Variants in NFIB observed in about 807,000 individuals in gnomAD.
NFIB encodes nuclear factor I B.
Under a neutral mutation model 61.5 loss-of-function variants are expected in NFIB, and 11 were observed. The ratio of observed to expected loss-of-function variants is 0.18; its 90% confidence interval spans 0.11 to 0.30. The LOEUF (loss-of-function observed/expected upper bound fraction) is 0.30. Among genes scored for constraint, NFIB ranks in the 10% least tolerant of loss-of-function variants. The pLI, the probability that NFIB is intolerant of heterozygous loss-of-function variation, is 1.00. For missense variants in NFIB, 471 were observed against 608.9 expected, an observed-to-expected ratio of 0.77 and a Z score of 2.38; for synonymous variants, 260 against 216.5, an observed-to-expected ratio of 1.20 and a Z score of -1.76.
At chr9:14,207,940 C>T (rs2049914857) in intron 2 of NFIB, among the ~76,000 whole-genome samples, 2 of 152,130 alleles carry the variant, frequency 1.3e-5, no homozygotes, top group Admixed American at 1.3e-4. Context: ...CAAACATTTC[C>T]TTGGTTGAAT....
chr9:14,322,867 G>C (rs963521337), intron 1 of NFIB, among the ~76,000 whole-genome samples: 3 of 152,014 alleles, frequency 2.0e-5, no homozygotes, highest in South Asian at 4.1e-4. Flanking sequence ...TGACCGTCTC[G>C]GGGGCTGCTG....
At chr9:14,466,317 C>T in the NFIB span, among the ~76,000 whole-genome samples, 1 of 152,090 alleles carries the variant, frequency 6.6e-6, no homozygotes, top group African/African-American at 2.4e-5. Flanking sequence ...ACTAAGGCAG[C>T]GGACGTGTCT....
chr9:14,105,141 A>G (rs1349607554), intron 10 of NFIB, among the ~76,000 whole-genome samples: 2 of 152,186 alleles, frequency 1.3e-5, no homozygotes, highest in African/African-American at 2.4e-5. Context: ...ATCTTTGACC[A>G]TATGCTGCAC....
chr9:14,214,659 A>G (rs1172337011), intron 2 of NFIB, among the ~76,000 whole-genome samples: 2 of 152,234 alleles, frequency 1.3e-5, no homozygotes, highest in African/African-American at 4.8e-5. Flanking sequence ...ACATGATGCT[A>G]ATTTAGCAGC....
At chr9:14,219,260 A>G (rs981672818) in intron 2 of NFIB, among the ~76,000 whole-genome samples, 1 of 152,158 alleles carries the variant, frequency 6.6e-6, no homozygotes, top group Non-Finnish European at 1.5e-5. Flanking sequence ...CAACAAGAAG[A>G]GCAAATCTAA....
At chr9:14,385,540 C>T (rs1011840140) in intron 1 of NFIB, among the ~76,000 whole-genome samples, 6 of 152,144 alleles carry the variant, frequency 3.9e-5, no homozygotes, top group Admixed American at 1.3e-4. Flanking sequence ...TTTGAAATGT[C>T]GCATATGTTA....
chr9:14,173,105 A>G (rs77837344), intron 3 of NFIB, among the ~76,000 whole-genome samples: 6 of 152,320 alleles, frequency 3.9e-5, no homozygotes, highest in Non-Finnish European at 8.8e-5. Flanking sequence ...AGCCTTCTTG[A>G]TCAAACTAGC....
At chr9:14,160,938 T>C (rs1303083337) in intron 3 of NFIB, among the ~76,000 whole-genome samples, 1 of 152,028 alleles carries the variant, frequency 6.6e-6, no homozygotes, top group African/African-American at 2.4e-5. Flanking sequence ...GTTAGTTTTC[T>C]GGCATTGTTC....
intron 10 of NFIB, among the ~76,000 whole-genome samples, chr9:14,098,795 T>C (rs953065200): frequency 5.3e-5 from 8 of 152,234 alleles, no homozygotes; most frequent in Non-Finnish European, 1.2e-4. Context: ...AGCAACTCCT[T>C]TGCACATGTG....
Position 14,249,133 on chromosome 9 carries a change from A to G in NFIB, c.562+57856T>C, listed in dbSNP as rs141890667. On this transcript the variant is annotated intron_variant, in intron 2 of 10. Coordinates refer to ENST00000380953, the MANE Select transcript of NFIB (RefSeq NM_001190737.2). ...AAAAGGACCACTGAAATAAGAACTT[A>G]GTGATAAGAAATACCTTTCATTAAA... is the stretch of plus-strand genomic sequence containing the variant. Among the ~76,000 whole-genome samples the G allele has an allele frequency of 1.4e-3, 209 of 152,348 alleles. 1 individual carries two copies. Among genetic ancestry groups the G allele is most frequent in the Admixed American group, 4.6e-3 (70 of 15,302 alleles).
chr9:14,307,551 G>T lies in NFIB; in HGVS notation c.31-31C>A. ...GAAGACAGAGGGGTGAGGAAAAGAT[G>T]TGCATAGTCAGTTTAATTTTAAAAG... On this transcript the variant is annotated intron_variant, in intron 1 of 10. Transcript: ENST00000380953. This position sits in a 1 kb window ranked among gnomAD's most constrained non-coding sequence, Gnocchi z 5.3. The T allele has an allele frequency of 6.6e-7, 1 of 1,517,012 alleles. No individual in the cohort carries two copies. Among genetic ancestry groups the T allele is most frequent in the Non-Finnish European group, 8.8e-7 (1 of 1,133,470 alleles). 94.0% of individuals were successfully genotyped at this position (1,517,012 alleles called of 1,614,324 possible). A position where few individuals can be genotyped will look rare whatever the true frequency, so the allele number is the denominator to read the frequency against.
chr9:14,238,375 G>T (rs1328913114), intron 2 of NFIB, among the ~76,000 whole-genome samples: 1 of 152,150 alleles, frequency 6.6e-6, no homozygotes, highest in African/African-American at 2.4e-5. Flanking sequence ...ACTCAAGAGA[G>T]ACAGTCTTGT....
intron 2 of NFIB, among the ~76,000 whole-genome samples, chr9:14,293,905 C>G (rs902730277): frequency 6.6e-5 from 10 of 152,184 alleles, no homozygotes; most frequent in Non-Finnish European, 8.8e-5. Flanking sequence ...AACAGTCTGT[C>G]TACCTATGTT....
intron 1 of NFIB, among the ~76,000 whole-genome samples, chr9:14,369,181 T>A (rs1588380074): frequency 6.6e-6 from 1 of 152,146 alleles, no homozygotes; most frequent in East Asian, 1.9e-4. Flanking sequence ...TCGTCCAAGG[T>A]CAAACAGCTA....
At chr9:14,374,117 A>C (rs2061390007) in intron 1 of NFIB, among the ~76,000 whole-genome samples, 1 of 152,250 alleles carries the variant, frequency 6.6e-6, no homozygotes, top group Non-Finnish European at 1.5e-5. Flanking sequence ...ATATGTTTTA[A>C]AACAGTGGGG....
intron 6 of NFIB, among the ~76,000 whole-genome samples, chr9:14,126,027 A>C (rs2039599840): frequency 6.6e-6 from 1 of 152,184 alleles, no homozygotes; most frequent in Non-Finnish European, 1.5e-5. Context: ...AAACTTCTAA[A>C]AACCCAAAGT....
chr9:14,423,704 A>G, the NFIB span, among the ~76,000 whole-genome samples: 1 of 152,188 alleles, frequency 6.6e-6, no homozygotes, highest in Non-Finnish European at 1.5e-5. Flanking sequence ...GAAGATCATT[A>G]TATTCTCTGC....
intron 1 of NFIB, among the ~76,000 whole-genome samples, chr9:14,375,485 G>T (rs188422499): frequency 6.6e-6 from 1 of 152,082 alleles, no homozygotes; most frequent in Non-Finnish European, 1.5e-5. Flanking sequence ...GTGAAACCCC[G>T]TCTCTACTAA....
intron 2 of NFIB, among the ~76,000 whole-genome samples, chr9:14,254,824 T>C (rs572170695): frequency 6.6e-6 from 1 of 152,330 alleles, no homozygotes; most frequent in South Asian, 2.1e-4. Context: ...CATGTGCATA[T>C]ATGTGCATTT....
Sources: gnomAD v4.1 joint callset for allele counts (sites outside exome capture counted in the v4.1 genomes callset) on GRCh38, gnomAD v4.1.1 for gene constraint, Gnocchi (gnomAD v3.1) non-coding constraint, MANE v1.5 for transcripts, NCBI Gene and HGNC (gene_info 2026-07-23, HGNC 2026-07-21) for gene names.